COBLL1: variants seen among roughly 807,000 people sequenced by gnomAD.
COBLL1 encodes cordon-bleu WH2 repeat protein like 1, also known as cordon-bleu protein-like 1.
In COBLL1, 50 loss-of-function variants were observed where a neutral mutation model predicts 94.8. The observed-to-expected ratio is 0.53, with a 90% CI of 0.42 to 0.67. The LOEUF (loss-of-function observed/expected upper bound fraction) is 0.67, where lower values mean the gene tolerates loss of function less well. COBLL1 is among the 30% of genes least tolerant of loss of function. The pLI is 0.00. For missense variants in COBLL1, 1,362 were observed against 1,348.7 expected (o/e 1.01, Z -0.15); for synonymous variants, 448 against 473.8 (o/e 0.95, Z 0.71).
intron 2 of COBLL1, among the ~76,000 whole-genome samples, chr2:164,793,148 A>C (rs1280638567): frequency 1.3e-5 from 2 of 152,210 alleles, no homozygotes; most frequent in Non-Finnish European, 2.9e-5. Context: ...CAGACCCCCC[A>C]GTATAATGTA....
intron 2 of COBLL1, among the ~76,000 whole-genome samples, chr2:164,774,476 G>A (rs546707792): frequency 7.2e-5 from 11 of 152,252 alleles, no homozygotes; most frequent in Non-Finnish European, 1.6e-4. Flanking sequence ...CAACAATTCC[G>A]ATTTTTCCAG....
At chr2:164,811,943 A>G (rs1457409869) in intron 2 of COBLL1, among the ~76,000 whole-genome samples, 1 of 152,052 alleles carries the variant, frequency 6.6e-6, no homozygotes, top group Non-Finnish European at 1.5e-5. Flanking sequence ...TGAGATGTCA[A>G]GACCTGTTTC....
intron 2 of COBLL1, among the ~76,000 whole-genome samples, chr2:164,658,991 C>T (rs1178481367): frequency 6.6e-6 from 1 of 152,090 alleles, no homozygotes; most frequent in Non-Finnish European, 1.5e-5. Flanking sequence ...GTAAGACTGC[C>T]ACCTCTTTAG....
In COBLL1 at chr2:164,841,796, C is replaced by T. The variant is rs867902018; in HGVS notation, c.-137G>A. ...TCCCTTCCCCGGCCCGCGCTCTTGC[C>T]GCTCGGCTCTCAAGCCAGGACTTGA... On this transcript the variant is annotated 5_prime_UTR_variant, in exon 1 of 14. Coordinates refer to ENST00000652658, the MANE Select transcript of COBLL1 (RefSeq NM_001365672.2). This position sits in a 1 kb window ranked among gnomAD's most constrained non-coding sequence, Gnocchi z 5.5. The T allele has an allele frequency of 5.2e-6, 3 of 577,958 alleles. No homozygotes were observed. Among genetic ancestry groups the T allele is most frequent in the African/African-American group, 2.0e-5 (1 of 50,030 alleles). The allele number at this position is 577,958 out of a possible 1,614,324, so 35.8% of individuals were successfully genotyped here. A position where few individuals can be genotyped will look rare whatever the true frequency, so the allele number is the denominator to read the frequency against.
At chr2:164,752,492 A>ATCT (rs34168476) in intron 2 of COBLL1, among the ~76,000 whole-genome samples, 39,908 of 151,966 alleles carry the variant, frequency 0.26, 5,884 homozygotes, top group African/African-American at 0.4. Context: ...GTTATTGAAT[A>ATCT]TCTTCTAAGT....
chr2:164,795,897 A>C (rs1021812537), intron 2 of COBLL1, among the ~76,000 whole-genome samples: 3 of 152,226 alleles, frequency 2.0e-5, no homozygotes, highest in Non-Finnish European at 4.4e-5. Context: ...TAAGAAGCAG[A>C]AGCATGTCAG....
intron 2 of COBLL1, among the ~76,000 whole-genome samples, chr2:164,805,737 G>C (rs1033816377): frequency 6.6e-5 from 10 of 151,984 alleles, no homozygotes; most frequent in African/African-American, 9.7e-5. Flanking sequence ...ACCTATTGAA[G>C]GACATCCTGT....
intron 11 of COBLL1, among the ~76,000 whole-genome samples, chr2:164,698,853 T>C (rs1049528650): frequency 6.6e-6 from 1 of 151,978 alleles, no homozygotes; most frequent in African/African-American, 2.4e-5. Context: ...CATGAATATA[T>C]GCCTTATGAT....
At chr2:164,775,270 A>T (rs1208458948) in intron 2 of COBLL1, among the ~76,000 whole-genome samples, 1 of 152,082 alleles carries the variant, frequency 6.6e-6, no homozygotes, top group Admixed American at 6.6e-5. Flanking sequence ...TATCTTCATT[A>T]ACACCAATGC....
chr2:164,814,689 G>A lies in COBLL1; in HGVS notation c.41+26467C>T, dbSNP rs184899695. On this transcript the variant is annotated intron_variant, in intron 2 of 13. Transcript: ENST00000652658. ...CCTACTTGGTTAAAGAGAAAGAGGGGGAAAAAGACAGAATTTGCCTATATC... is the reference window on the plus strand; with the variant it reads ...CCTACTTGGTTAAAGAGAAAGAGGGAGAAAAAGACAGAATTTGCCTATATC... Among the ~76,000 whole-genome samples the A allele has an allele frequency of 3.3e-5, 5 of 152,042 alleles. No individual in the cohort carries two copies. The East Asian group carries it at 5.8e-4, about 18-fold the overall frequency.
intron 2 of COBLL1, among the ~76,000 whole-genome samples, chr2:164,837,019 T>G (rs1019683048): frequency 2.0e-5 from 3 of 152,192 alleles, no homozygotes; most frequent in Non-Finnish European, 4.4e-5. Flanking sequence ...CAGTGAAACT[T>G]TAGAACCAAT....
intron 2 of COBLL1, among the ~76,000 whole-genome samples, chr2:164,774,570 A>T (rs1688370063): frequency 6.6e-6 from 1 of 152,328 alleles, no homozygotes; most frequent in East Asian, 1.9e-4. Context: ...ACTTTCACTG[A>T]CAGAAGCATT....
At chr2:164,702,558 C>CAA (rs56011410) in intron 9 of COBLL1, among the ~76,000 whole-genome samples, 146 of 80,942 alleles carry the variant, frequency 1.8e-3, no homozygotes, top group Non-Finnish European at 2.2e-3. Flanking sequence ...TGAGACTCCT[C>CAA]AAAAAAAAAA....
At chr2:164,677,917 T>C (rs1248718906), downstream of COBLL1, among the ~76,000 whole-genome samples, 1 of 152,202 alleles carries the variant, frequency 6.6e-6, no homozygotes, top group African/African-American at 2.4e-5. Context: ...CTGGGCCATA[T>C]CCTCTCCAAC....
chr2:164,775,982 C>T (rs1688444167), intron 2 of COBLL1, among the ~76,000 whole-genome samples: 1 of 151,982 alleles, frequency 6.6e-6, no homozygotes, highest in Non-Finnish European at 1.5e-5. Context: ...AATACAGTCC[C>T]AAATCTAAGA....
intron 13 of COBLL1, among the ~76,000 whole-genome samples, chr2:164,689,117 G>C (rs1257317788): frequency 6.6e-6 from 1 of 152,068 alleles, no homozygotes; most frequent in Non-Finnish European, 1.5e-5. Flanking sequence ...GTGACTACAT[G>C]TGGGTTGAGT....
chr2:164,769,098 T>C (rs1688076596), intron 2 of COBLL1, among the ~76,000 whole-genome samples: 1 of 152,192 alleles, frequency 6.6e-6, no homozygotes, highest in Non-Finnish European at 1.5e-5. Context: ...TAAAACATGG[T>C]TGAATGATTT....
Position 164,665,453 on chromosome 2 carries a change from C to T in COBLL1, n.181+394G>A, listed in dbSNP as rs1691143394. ...TAACAGGAAAGAGTAACGTAAGTGT[C>T]TACTGTAGTTTAAAAAAAAAAAAAG... On this transcript the variant is annotated intron_variant and non_coding_transcript_variant, in intron 2 of 2. Coordinates refer to the COBLL1 transcript ENST00000495084. 2.0e-5 allele frequency among the ~76,000 whole-genome samples: 3 copies of T among 149,642 alleles called. No homozygotes were observed. The South Asian group carries it at 6.3e-4, about 32-fold the overall frequency.
chr2:164,752,437 A>G (rs2105589417), intron 2 of COBLL1, among the ~76,000 whole-genome samples: 1 of 151,924 alleles, frequency 6.6e-6, no homozygotes, highest in Non-Finnish European at 1.5e-5. Context: ...AAAAACAACA[A>G]GTGAATGAGC....
Sources: allele counts gnomAD v4.1 joint callset (sites outside exome capture counted in the v4.1 genomes callset), GRCh38; gene constraint gnomAD v4.1.1; non-coding constraint Gnocchi (gnomAD v3.1); transcripts MANE v1.5; gene names NCBI Gene and HGNC (gene_info 2026-07-23, HGNC 2026-07-21).